SMYD3: variants seen among roughly 807,000 people sequenced by gnomAD.
SMYD3 encodes SET and MYND domain containing 3, also known as histone-lysine N-methyltransferase SMYD3.
A neutral mutation model predicts 57.7 loss-of-function variants in SMYD3; 36 were observed. That is an observed-to-expected ratio of 0.62 (90% confidence interval 0.48 to 0.82). SMYD3 has a LOEUF of 0.82. Among genes scored for constraint, SMYD3 ranks in the 40% least tolerant of loss-of-function variants. The pLI, the probability that SMYD3 is intolerant of heterozygous loss-of-function variation, is 0.00. For missense variants in SMYD3, 515 were observed against 538.8 expected, an observed-to-expected ratio of 0.96 and a Z score of 0.44; for synonymous variants, 211 against 195.0, an observed-to-expected ratio of 1.08 and a Z score of -0.68.
At chr1:246,385,875 G>T (rs2066469198) in intron 1 of SMYD3, among the ~76,000 whole-genome samples, 1 of 152,052 alleles carries the variant, frequency 6.6e-6, no homozygotes, top group South Asian at 2.1e-4. Flanking sequence ...ACCATACTTT[G>T]AGTAGGAAGG....
chr1:246,021,301 T>C (rs7512924), intron 5 of SMYD3, among the ~76,000 whole-genome samples: 39,019 of 152,150 alleles, frequency 0.26, 5,775 homozygotes, highest in East Asian at 0.56. Context: ...AATTCTACTA[T>C]GTCTTTTTGT....
intron 5 of SMYD3, among the ~76,000 whole-genome samples, chr1:246,309,476 GA>G (rs1404128065): frequency 1.3e-5 from 2 of 152,150 alleles, no homozygotes; most frequent in Non-Finnish European, 2.9e-5. Flanking sequence ...GAATGCCCCT[GA>G]AAACACTATC....
intron 10 of SMYD3, among the ~76,000 whole-genome samples, chr1:245,815,612 T>G (rs1276606730): frequency 1.3e-5 from 2 of 152,210 alleles, no homozygotes; most frequent in Admixed American, 6.5e-5. Flanking sequence ...AGATGGCTGG[T>G]GGTAGAAGCA....
intron 5 of SMYD3, among the ~76,000 whole-genome samples, chr1:246,316,360 G>GTT (rs2065156490): frequency 1.4e-5 from 2 of 146,988 alleles, no homozygotes; most frequent in African/African-American, 5.2e-5. Context: ...TGTCTTCATG[G>GTT]GTTTTTTTTT....
intron 5 of SMYD3, among the ~76,000 whole-genome samples, chr1:245,959,255 C>T (rs1572792307): frequency 6.6e-6 from 1 of 152,266 alleles, no homozygotes; most frequent in East Asian, 1.9e-4. Flanking sequence ...AGCCACCATG[C>T]CCGGCCAAGA....
chr1:246,482,496 T>G (rs909050768), intron 1 of SMYD3, among the ~76,000 whole-genome samples: 7 of 152,152 alleles, frequency 4.6e-5, no homozygotes, highest in Non-Finnish European at 8.8e-5. Context: ...AGCCACTCTG[T>G]CGCCTTTCCT....
At chr1:246,394,703 G>C (rs1346459469) in intron 1 of SMYD3, among the ~76,000 whole-genome samples, 1 of 151,784 alleles carries the variant, frequency 6.6e-6, no homozygotes, top group Non-Finnish European at 1.5e-5. Flanking sequence ...TATGATATAA[G>C]AGAGGCTCCC....
chr1:246,491,020 G>A (rs1401648295), intron 1 of SMYD3, among the ~76,000 whole-genome samples: 1 of 152,182 alleles, frequency 6.6e-6, no homozygotes, highest in Non-Finnish European at 1.5e-5. Context: ...TGAAGAGGCA[G>A]GGTTCAAGAT....
At chr1:245,798,923 C>T (rs2047722746) in intron 10 of SMYD3, among the ~76,000 whole-genome samples, 1 of 152,174 alleles carries the variant, frequency 6.6e-6, no homozygotes, top group South Asian at 2.1e-4. Flanking sequence ...GCAGGCCCTG[C>T]TTCCAACTGG....
chr1:245,954,776 G>A (rs1015833216), intron 5 of SMYD3, among the ~76,000 whole-genome samples: 3 of 152,188 alleles, frequency 2.0e-5, no homozygotes, highest in Admixed American at 6.5e-5. Context: ...CTTTCTTCCC[G>A]TTTCCACTGC....
intron 2 of SMYD3, among the ~76,000 whole-genome samples, chr1:246,340,661 T>C (rs886665710): frequency 4.6e-5 from 7 of 152,178 alleles, no homozygotes; most frequent in Non-Finnish European, 8.8e-5. Flanking sequence ...TATTTGGTAA[T>C]GAATATCAAA....
intron 5 of SMYD3, among the ~76,000 whole-genome samples, chr1:246,038,431 C>T (rs2059813929): frequency 6.6e-6 from 1 of 151,990 alleles, no homozygotes; most frequent in African/African-American, 2.4e-5. Flanking sequence ...AGCAAACGAA[C>T]AAATGAAAAC....
intron 5 of SMYD3, among the ~76,000 whole-genome samples, chr1:245,932,984 A>C (rs1384108624): frequency 1.3e-5 from 2 of 152,182 alleles, no homozygotes; most frequent in East Asian, 3.9e-4. Flanking sequence ...TATCTCAATT[A>C]ACAACCTGAC....
intron 2 of SMYD3, among the ~76,000 whole-genome samples, chr1:246,336,894 A>G (rs2065552434): frequency 6.6e-6 from 1 of 152,228 alleles, no homozygotes; most frequent in Non-Finnish European, 1.5e-5. Context: ...AAGGCAAAAA[A>G]GAAGGCATAA....
At chr1:246,482,787 A>G (rs1007896112) in intron 1 of SMYD3, among the ~76,000 whole-genome samples, 1 of 152,218 alleles carries the variant, frequency 6.6e-6, no homozygotes, top group Non-Finnish European at 1.5e-5. Flanking sequence ...TTTCAGATAC[A>G]GGGAAATCAA....
chr1:246,404,468 C>T (rs1439881365), intron 1 of SMYD3, among the ~76,000 whole-genome samples: 3 of 152,186 alleles, frequency 2.0e-5, no homozygotes, highest in African/African-American at 2.4e-5. Flanking sequence ...GACATGGCCA[C>T]GAGGCCTCCA....
At chr1:245,818,370 G>A (rs1239028454) in intron 10 of SMYD3, among the ~76,000 whole-genome samples, 1 of 152,070 alleles carries the variant, frequency 6.6e-6, no homozygotes, top group East Asian at 1.9e-4. Flanking sequence ...CACCAGGCCT[G>A]CCCTAAAAGA....
At chr1:246,094,447 C>T (rs1313447804) in intron 5 of SMYD3, among the ~76,000 whole-genome samples, 2 of 152,182 alleles carry the variant, frequency 1.3e-5, no homozygotes, top group Admixed American at 6.5e-5. Context: ...CTTGCACTTC[C>T]GCCTGCTGTG....
chr1:246,255,187 G>A (rs1018099185), intron 5 of SMYD3, among the ~76,000 whole-genome samples: 2 of 151,958 alleles, frequency 1.3e-5, no homozygotes, highest in Admixed American at 6.6e-5. Flanking sequence ...GGTAAGAGTG[G>A]GCTTCCTTGT....
Sources: gnomAD v4.1 joint callset for allele counts (sites outside exome capture counted in the v4.1 genomes callset) on GRCh38, gnomAD v4.1.1 for gene constraint, MANE v1.5 for transcripts, NCBI Gene and HGNC (gene_info 2026-07-23, HGNC 2026-07-21) for gene names.